Variants in MGAT5 observed in about 807,000 individuals in gnomAD.
MGAT5 encodes alpha-1,6-mannosylglycoprotein 6-beta-N-acetylglucosaminyltransferase.
MGAT5 carries 30 observed loss-of-function variants against 94.3 expected under a neutral mutation model. That is an observed-to-expected ratio of 0.32 (90% CI 0.24 to 0.43). The LOEUF (loss-of-function observed/expected upper bound fraction) is 0.43, where lower values mean the gene tolerates loss of function less well. Ranked by LOEUF, MGAT5 falls within the 20% of genes least tolerant of loss-of-function variation. The pLI is 1.00. For synonymous variants in MGAT5, 310 were observed against 322.9 expected (o/e 0.96, Z 0.43); for missense variants, 691 against 905.5 (o/e 0.76, Z 3.04).
At chr2:134,341,059 T>C (rs1191734890) in intron 6 of MGAT5, among the ~76,000 whole-genome samples, 1 of 152,206 alleles carries the variant, frequency 6.6e-6, no homozygotes, top group Non-Finnish European at 1.5e-5. Context: ...CCGAAATATT[T>C]ACAGATGAAA....
At chr2:134,126,401 G>C (rs1685842037) in intron 1 of MGAT5, among the ~76,000 whole-genome samples, 1 of 152,202 alleles carries the variant, frequency 6.6e-6, no homozygotes, top group African/African-American at 2.4e-5. Context: ...GATCCGTTCA[G>C]TTCCTAATGT....
Position 134,328,509 on chromosome 2 carries a change from G to A in MGAT5, c.574-7708G>A, listed in dbSNP as rs867191040. Among the ~76,000 whole-genome samples, 7 of 152,000 alleles carry A rather than the reference G, an allele frequency of 4.6e-5. No individual in the cohort carries two copies. The South Asian group carries it at 1.0e-3, about 22-fold the overall frequency. ...TGCCTCCCTCAGTGTATTATTGAAC[G>A]GTTCCAATAAAATGAGAACAGTAAA... On this transcript the variant is annotated intron_variant, in intron 4 of 15. Coordinates refer to ENST00000281923, the MANE Select transcript of MGAT5 (RefSeq NM_002410.5).
chr2:134,423,959 A>G lies in MGAT5; in HGVS notation c.1794+1040A>G, dbSNP rs556461749. Among the ~76,000 whole-genome samples the G allele has an allele frequency of 3.6e-4, 55 of 152,312 alleles. 1 individual carries two copies. The highest frequency in any genetic ancestry group is 2.2e-3 in the Admixed American group (33 of 15,302). ...CGGTGCCCACGTAGGGATTTACCCA[A>G]TGGATAGATGGGAGAGAGGAATAGA... On this transcript the variant is annotated intron_variant, in intron 13 of 15. Transcript: ENST00000281923.
intron 1 of MGAT5, among the ~76,000 whole-genome samples, chr2:134,139,552 C>T (rs1408428501): frequency 2.0e-5 from 3 of 152,038 alleles, no homozygotes; most frequent in Non-Finnish European, 4.4e-5. Flanking sequence ...ACACACCCAG[C>T]GGAGGCTCAG....
At chr2:134,130,424 C>T (rs1241358581) in intron 1 of MGAT5, among the ~76,000 whole-genome samples, 1 of 152,268 alleles carries the variant, frequency 6.6e-6, no homozygotes, top group African/African-American at 2.4e-5. Flanking sequence ...GTGGGCAGCT[C>T]TGCCTGCGGC....
chr2:134,281,593 A>G (rs1684698738), intron 2 of MGAT5, among the ~76,000 whole-genome samples: 1 of 152,192 alleles, frequency 6.6e-6, no homozygotes, highest in African/African-American at 2.4e-5. Context: ...ATGTACAGGA[A>G]CTGGCACAGA....
intron 7 of MGAT5, 134 bp downstream of exon 7, chr2:134,341,893 G>T (rs973975128): frequency 1.3e-5 from 9 of 707,432 alleles, no homozygotes; most frequent in Admixed American, 9.9e-5. Flanking sequence ...CAGGAGATAA[G>T]AAGATTATTT....
intron 10 of MGAT5, among the ~76,000 whole-genome samples, chr2:134,398,699 A>C: frequency 6.6e-6 from 1 of 151,936 alleles, no homozygotes. Context: ...CAGCGGATGA[A>C]TGGATAAAGA....
chr2:134,200,882 C>T (rs1309974308), intron 1 of MGAT5, among the ~76,000 whole-genome samples: 3 of 152,042 alleles, frequency 2.0e-5, no homozygotes, highest in Admixed American at 6.5e-5. Context: ...AAAATTAGCC[C>T]AGTGTTGTGG....
chr2:134,404,497 C>G (rs1326311355), intron 11 of MGAT5, among the ~76,000 whole-genome samples: 1 of 152,164 alleles, frequency 6.6e-6, no homozygotes, highest in African/African-American at 2.4e-5. Flanking sequence ...GGGTCAAGTC[C>G]TGGAGGTGGC....
chr2:134,123,533 C>A (rs1685711098), intron 1 of MGAT5, among the ~76,000 whole-genome samples: 1 of 152,220 alleles, frequency 6.6e-6, no homozygotes. Flanking sequence ...TCACTGTCTT[C>A]CTTCCTCCTT....
intron 10 of MGAT5, among the ~76,000 whole-genome samples, chr2:134,390,182 G>T (rs958110175): frequency 2.6e-5 from 4 of 152,306 alleles, no homozygotes; most frequent in Admixed American, 6.5e-5. Context: ...ATATTACACT[G>T]TAAAGAAACA....
intron 1 of MGAT5, among the ~76,000 whole-genome samples, chr2:134,216,812 A>T (rs758602526): frequency 2.0e-5 from 3 of 152,146 alleles, no homozygotes; most frequent in Non-Finnish European, 2.9e-5. Context: ...TGAGAGTGGG[A>T]TCCTGAGCGG....
At chr2:134,362,123 G>A (rs2106113305) in intron 9 of MGAT5, 152 bp from the exon 10 acceptor site, 1 of 889,190 alleles carries the variant, frequency 1.1e-6, no homozygotes, top group Non-Finnish European at 1.7e-6. Flanking sequence ...TGGGAGAGAT[G>A]ACAATCCCTC....
chr2:134,190,416 CAT>C (rs1689306239), intron 1 of MGAT5, among the ~76,000 whole-genome samples: 1 of 152,162 alleles, frequency 6.6e-6, no homozygotes. Flanking sequence ...TTTCACAGTA[CAT>C]GTTTGTCCCT....
intron 2 of MGAT5, among the ~76,000 whole-genome samples, chr2:134,314,636 A>C (rs1686892587): frequency 6.6e-6 from 1 of 152,214 alleles, no homozygotes; most frequent in South Asian, 2.1e-4. Flanking sequence ...CAGGATTCCT[A>C]ACAAAATCCT....
intron 4 of MGAT5, among the ~76,000 whole-genome samples, chr2:134,331,862 C>G (rs538112756): frequency 6.6e-6 from 1 of 151,798 alleles, no homozygotes; most frequent in Non-Finnish European, 1.5e-5. Flanking sequence ...TTACAAGGGA[C>G]GTGAAGGACC....
intron 1 of MGAT5, among the ~76,000 whole-genome samples, chr2:134,258,765 T>G (rs1683137764): frequency 6.6e-6 from 1 of 152,192 alleles, no homozygotes; most frequent in Non-Finnish European, 1.5e-5. Context: ...TTGTAGTGGT[T>G]AGGAGCATGG....
intron 11 of MGAT5, among the ~76,000 whole-genome samples, chr2:134,405,280 A>T (rs1683269228): frequency 6.6e-6 from 1 of 152,256 alleles, no homozygotes; most frequent in Non-Finnish European, 1.5e-5. Context: ...GTGTATGTTC[A>T]TCCTTGAAAA....
Sources: gnomAD v4.1 joint callset for allele counts (sites outside exome capture counted in the v4.1 genomes callset) on GRCh38, gnomAD v4.1.1 for gene constraint, MANE v1.5 for transcripts, NCBI Gene and HGNC (gene_info 2026-07-23, HGNC 2026-07-21) for gene names.